Variants in CHD7 observed in about 807,000 individuals in gnomAD.
The protein encoded by CHD7 is chromodomain helicase DNA binding protein 7.
CHD7 carries 24 observed loss-of-function variants against 307.3 expected under a neutral mutation model. The observed-to-expected ratio is 0.08, with a 90% confidence interval of 0.06 to 0.11. The LOEUF is 0.11. Among genes scored for constraint, CHD7 ranks in the 10% least tolerant of loss-of-function variants. The pLI is 1.00. For synonymous variants in CHD7, 1,363 were observed against 1,349.9 expected (o/e 1.01, Z -0.21); for missense variants, 3,106 against 3,727.1 (o/e 0.83, Z 4.34).
At chr8:60,848,746 T>G (rs1221810071) in intron 24 of CHD7, 142 bp downstream of exon 24, 3 of 723,924 alleles carry the variant, frequency 4.1e-6, no homozygotes, top group Admixed American at 2.1e-5. Flanking sequence ...TATTTGTCCT[T>G]CGTGCTTGGG....
intron 13 of CHD7, among the ~76,000 whole-genome samples, chr8:60,826,237 T>C (rs1804249725): frequency 6.6e-6 from 1 of 152,226 alleles, no homozygotes. Flanking sequence ...CAAGGACTTA[T>C]AACCTGTACT....
intron 6 of CHD7, among the ~76,000 whole-genome samples, chr8:60,803,746 C>T (rs980339630): frequency 2.0e-5 from 3 of 152,176 alleles, no homozygotes; most frequent in South Asian, 2.1e-4. Context: ...TTTTAAACTG[C>T]TAATATTCTC....
At position 60,865,360 on chromosome 8, in the gene CHD7, C is replaced by T. The variant is rs761992074; in HGVS notation, c.8421C>T (p.Pro2807=). 6.2e-7 allele frequency: 1 copy of T among 1,611,782 alleles called. No homozygotes were observed. Among genetic ancestry groups the T allele is most frequent in the East Asian group, 2.2e-5 (1 of 44,804 alleles). The change falls in exon 38 of 38, where the codon CCC becomes CCT. Residue 2807 remains proline, a synonymous_variant. Transcript: ENST00000423902. The surrounding 1 kb of genome is among the most constrained non-coding windows in gnomAD (Gnocchi z 4.3). ...TGCTGCCAGGAATGGCGGGCCTGCCCAACGTGTTTGGCTTGGGCGGGCTGT... is the reference window on the plus strand; with the variant it reads ...TGCTGCCAGGAATGGCGGGCCTGCCTAACGTGTTTGGCTTGGGCGGGCTGT... ...PLMLPGMAGL[P]NVFGLGGLLN... is the part of the protein sequence containing the mutation.
chr8:60,701,784 A>T (rs1806773012), intron 1 of CHD7, among the ~76,000 whole-genome samples: 1 of 152,228 alleles, frequency 6.6e-6, no homozygotes, highest in East Asian at 1.9e-4. Context: ...ACCTTCCTGG[A>T]GATCTTGAAA....
intron 26 of CHD7, 59 bp from the exon 27 acceptor site, chr8:60,850,973 C>T (rs1297305827): frequency 2.1e-5 from 25 of 1,214,312 alleles, no homozygotes; most frequent in Non-Finnish European, 2.2e-5. Context: ...CTACCCACCC[C>T]CCTTCCTTCT....
At chr8:60,850,909 T>C in intron 26 of CHD7, 123 bp from the exon 27 acceptor site, 1 of 743,164 alleles carries the variant, frequency 1.3e-6, no homozygotes. Flanking sequence ...ATAGAGTTGC[T>C]TTTGATGTCA....
intron 8 of CHD7, among the ~76,000 whole-genome samples, chr8:60,817,522 T>G (rs747202999): frequency 3.9e-5 from 6 of 152,178 alleles, no homozygotes; most frequent in Non-Finnish European, 7.4e-5. Context: ...ATCATGTGGT[T>G]GTTCTTTTAC....
At chr8:60,799,393 G>A (rs1025254065) in intron 4 of CHD7, among the ~76,000 whole-genome samples, 2 of 152,148 alleles carry the variant, frequency 1.3e-5, no homozygotes, top group South Asian at 4.1e-4. Context: ...CAGTGATCCT[G>A]CTAATACTGG....
At chr8:60,711,572 G>A (rs1807281891) in intron 1 of CHD7, among the ~76,000 whole-genome samples, 1 of 152,212 alleles carries the variant, frequency 6.6e-6, no homozygotes, top group Non-Finnish European at 1.5e-5. Flanking sequence ...GATGTTGAGC[G>A]AGGAATAGAA....
rs182681018 is a variant in CHD7 at position 60,769,261 on chromosome 8, A to G, written c.1666-11739A>G. 1.8e-3 allele frequency among the ~76,000 whole-genome samples: 275 copies of G among 152,350 alleles called. 1 individual carries two copies. The highest frequency in any genetic ancestry group is 6.2e-3 in the African/African-American group (256 of 41,596). ...TCAGTTCAGAGGGTACTGCTGTTTT[A>G]TAACCATATTTAAAAATGTGTTCCT... On this transcript the variant is annotated intron_variant, in intron 2 of 37. Coordinates refer to ENST00000423902, the MANE Select transcript of CHD7 (RefSeq NM_017780.4).
chr8:60,710,610 C>A lies in CHD7; in HGVS notation c.-174-30649C>A, dbSNP rs539117100. 5.3e-5 allele frequency among the ~76,000 whole-genome samples: 8 copies of A among 152,314 alleles called. No homozygotes were observed. The South Asian group carries it at 1.0e-3, about 20-fold the overall frequency. ...TGTTTTCCATACCCAAATCCTTAATCTTGAGGTATTTTAAATGCAAATATT... is the reference window on the plus strand; with the variant it reads ...TGTTTTCCATACCCAAATCCTTAATATTGAGGTATTTTAAATGCAAATATT... On this transcript the variant is annotated intron_variant, in intron 1 of 37. Transcript: ENST00000423902.
intron 3 of CHD7, among the ~76,000 whole-genome samples, chr8:60,788,259 T>A (rs566687410): frequency 3.7e-4 from 56 of 152,074 alleles, no homozygotes; most frequent in Admixed American, 9.8e-4. Flanking sequence ...GTCTCTCTTT[T>A]TTTTTATTTT....
chr8:60,801,615 A>C (rs1392331393), intron 6 of CHD7, 22 bp downstream of exon 6: 16 of 1,521,272 alleles, frequency 1.1e-5, no homozygotes, highest in Admixed American at 1.9e-5. Context: ...TGGAGCCATT[A>C]AAATCTGTGA....
chr8:60,767,921 C>T (rs754965642), intron 2 of CHD7, among the ~76,000 whole-genome samples: 11 of 152,062 alleles, frequency 7.2e-5, no homozygotes, highest in Non-Finnish European at 1.3e-4. Context: ...AAAGTTACTG[C>T]GAGAAAACCT....
At chr8:60,755,039 G>T (rs1028664499) in intron 2 of CHD7, among the ~76,000 whole-genome samples, 2 of 152,166 alleles carry the variant, frequency 1.3e-5, no homozygotes, top group African/African-American at 4.8e-5. Context: ...TACTTTAGTG[G>T]ATGGGTTCCT....
chr8:60,678,827 TG>T lies in CHD7; in HGVS notation c.-428del, dbSNP rs2150461718. On this transcript the variant is annotated 5_prime_UTR_variant, in exon 1 of 38. Transcript: ENST00000423902. ...CGGCGGCGGCGCGGGGGTTGAGTCGTGGTGGTGCGGACGCGCTCGTGCTCGG... is the reference window on the plus strand; with the variant it reads ...CGGCGGCGGCGCGGGGGTTGAGTCGTGTGGTGCGGACGCGCTCGTGCTCGG... 1 of 140,672 alleles carries T rather than the reference TG, an allele frequency of 7.1e-6. No individual in the cohort carries two copies. The highest frequency in any genetic ancestry group is 1.5e-5 in the Non-Finnish European group (1 of 65,028). The allele number at this position is 140,672 out of a possible 1,614,324, so 8.7% of individuals were successfully genotyped here. A position where few individuals can be genotyped will look rare whatever the true frequency, so the allele number is the denominator to read the frequency against.
At chr8:60,797,086 G>T (rs1283289390) in intron 4 of CHD7, among the ~76,000 whole-genome samples, 1 of 152,126 alleles carries the variant, frequency 6.6e-6, no homozygotes, top group Non-Finnish European at 1.5e-5. Flanking sequence ...TTTAAAGGCA[G>T]TTCTTACATT....
At chr8:60,750,424 A>G (rs1470716508) in intron 2 of CHD7, among the ~76,000 whole-genome samples, 3 of 152,200 alleles carry the variant, frequency 2.0e-5, no homozygotes, top group Non-Finnish European at 4.4e-5. Flanking sequence ...TTTGTTATTT[A>G]AGTATAACAT....
chr8:60,829,500 C>T (rs1804403193), intron 14 of CHD7, among the ~76,000 whole-genome samples: 1 of 152,144 alleles, frequency 6.6e-6, no homozygotes, highest in African/African-American at 2.4e-5. Flanking sequence ...ACTCTGGACG[C>T]TGAGGCAGGA....
Sources: allele counts gnomAD v4.1 joint callset (sites outside exome capture counted in the v4.1 genomes callset), GRCh38; gene constraint gnomAD v4.1.1; non-coding constraint Gnocchi (gnomAD v3.1); transcripts MANE v1.5; gene names NCBI Gene and HGNC (gene_info 2026-07-23, HGNC 2026-07-21).